COX7B2: variants seen among roughly 807,000 people sequenced by gnomAD.
COX7B2 encodes the protein cytochrome c oxidase subunit 7B2, mitochondrial.
For synonymous variants in COX7B2, 37 were observed against 32.1 expected (o/e 1.15, Z -0.51); for missense variants, 109 against 95.9 (o/e 1.14, Z -0.57).
At chr4:46,796,995 T>A (rs1718385826) in intron 2 of COX7B2, among the ~76,000 whole-genome samples, 1 of 80,422 alleles carries the variant, frequency 1.2e-5, no homozygotes, top group South Asian at 5.4e-4. Flanking sequence ...TAATGCTAGA[T>A]GACACATTAG....
chr4:46,782,986 A>C (rs963257038), intron 2 of COX7B2, among the ~76,000 whole-genome samples: 1 of 152,208 alleles, frequency 6.6e-6, no homozygotes, highest in African/African-American at 2.4e-5. Context: ...CGGACATAAT[A>C]CTATATTTGG....
At chr4:46,750,092 T>C (rs1715260816) in intron 2 of COX7B2, among the ~76,000 whole-genome samples, 1 of 152,066 alleles carries the variant, frequency 6.6e-6, no homozygotes, top group African/African-American at 2.4e-5. Context: ...CCAGGTGCAG[T>C]GGCTTACACC....
At chr4:46,844,509 C>G (rs1177017655) in intron 2 of COX7B2, among the ~76,000 whole-genome samples, 6 of 151,856 alleles carry the variant, frequency 4.0e-5, no homozygotes, top group Non-Finnish European at 8.8e-5. Flanking sequence ...TACAACCACA[C>G]CAGGGGGCGC....
intron 2 of COX7B2, among the ~76,000 whole-genome samples, chr4:46,777,606 T>C (rs779328650): frequency 3.9e-5 from 6 of 152,066 alleles, no homozygotes; most frequent in Non-Finnish European, 7.4e-5. Flanking sequence ...CTCAGAAAGG[T>C]ACTCAGTTCA....
At chr4:46,781,368 C>G (rs1717436824) in intron 2 of COX7B2, among the ~76,000 whole-genome samples, 1 of 152,232 alleles carries the variant, frequency 6.6e-6, no homozygotes, top group Non-Finnish European at 1.5e-5. Context: ...CACAAACACA[C>G]ACATTCAGAA....
At chr4:46,741,013 G>A (rs1268259425) in intron 2 of COX7B2, among the ~76,000 whole-genome samples, 2 of 152,068 alleles carry the variant, frequency 1.3e-5, no homozygotes, top group Non-Finnish European at 2.9e-5. Context: ...AGGTTTAGAT[G>A]CCTGAGTAGA....
At chr4:46,739,490 T>A (rs934368524) in intron 2 of COX7B2, among the ~76,000 whole-genome samples, 1 of 152,066 alleles carries the variant, frequency 6.6e-6, no homozygotes, top group African/African-American at 2.4e-5. Flanking sequence ...CAATGTCTAC[T>A]CTAAAGAAGC....
intron 1 of COX7B2, among the ~76,000 whole-genome samples, chr4:46,905,810 A>ATTTTTTTTT (rs1172630222): frequency 1.2e-4 from 7 of 60,438 alleles, no homozygotes; most frequent in Non-Finnish European, 1.7e-4. Context: ...ATAAGCATAT[A>ATTTTTTTTT]TTTCTTTTTT....
chr4:46,908,209 A>G (rs1720525884), intron 1 of COX7B2, among the ~76,000 whole-genome samples: 1 of 152,062 alleles, frequency 6.6e-6, no homozygotes, highest in African/African-American at 2.4e-5. Context: ...CATTTCCTGC[A>G]AATACCACTG....
At chr4:46,842,400 T>C (rs1307951995) in intron 2 of COX7B2, among the ~76,000 whole-genome samples, 2 of 151,998 alleles carry the variant, frequency 1.3e-5, no homozygotes, top group Non-Finnish European at 2.9e-5. Context: ...GCTCACTTTT[T>C]TTATTTTATT....
intron 2 of COX7B2, among the ~76,000 whole-genome samples, chr4:46,765,484 A>G (rs1282161100): frequency 6.6e-6 from 1 of 152,136 alleles, no homozygotes; most frequent in Non-Finnish European, 1.5e-5. Flanking sequence ...GCCAGTCTCC[A>G]CAGACTGATG....
chr4:46,762,903 T>C lies in COX7B2; in HGVS notation c.-49-27662A>G, dbSNP rs183153687. On this transcript the variant is annotated intron_variant, in intron 2 of 2. Coordinates refer to ENST00000355591, the MANE Select transcript of COX7B2 (RefSeq NM_130902.3). ...TGTATGCACAATCACACTGTTCATA[T>C]GGTTATTTGTGATAGTCTATACCAC... Among the ~76,000 whole-genome samples the C allele has an allele frequency of 1.2e-3, 178 of 143,324 alleles. 1 individual carries two copies. Among genetic ancestry groups the C allele is most frequent in the African/African-American group, 4.3e-3 (167 of 38,598 alleles). 94.0% of individuals were successfully genotyped at this position (143,324 alleles called of 152,430 possible). A position where few individuals can be genotyped will look rare whatever the true frequency, so the allele number is the denominator to read the frequency against.
At chr4:46,738,086 G>A (rs991900274) in intron 2 of COX7B2, among the ~76,000 whole-genome samples, 4 of 152,126 alleles carry the variant, frequency 2.6e-5, no homozygotes, top group Non-Finnish European at 4.4e-5. Flanking sequence ...GGGTATGACA[G>A]GTGCAGCCTT....
At chr4:46,788,525 T>C (rs1717870346) in intron 2 of COX7B2, among the ~76,000 whole-genome samples, 1 of 152,108 alleles carries the variant, frequency 6.6e-6, no homozygotes, top group Non-Finnish European at 1.5e-5. Context: ...TAAGAAGTTA[T>C]AAATGTAAAA....
At chr4:46,746,098 A>G (rs6855790) in intron 2 of COX7B2, among the ~76,000 whole-genome samples, 49,813 of 152,100 alleles carry the variant, frequency 0.33, 8,426 homozygotes, top group South Asian at 0.47. Context: ...TACAGATAAT[A>G]TATTTTATCA....
intron 1 of COX7B2, among the ~76,000 whole-genome samples, chr4:46,845,858 T>C (rs1237251822): frequency 1.3e-5 from 2 of 152,014 alleles, no homozygotes; most frequent in African/African-American, 2.4e-5. Context: ...TAATCTGGCA[T>C]ATGGTTAAAC....
chr4:46,862,400 A>G (rs1192407470), intron 1 of COX7B2, among the ~76,000 whole-genome samples: 1 of 152,164 alleles, frequency 6.6e-6, no homozygotes, highest in African/African-American at 2.4e-5. Context: ...GCAAATGGGT[A>G]AGTGTTCCGT....
intron 1 of COX7B2, among the ~76,000 whole-genome samples, chr4:46,870,868 C>T (rs1173007126): frequency 6.6e-6 from 1 of 152,030 alleles, no homozygotes; most frequent in Non-Finnish European, 1.5e-5. Flanking sequence ...ACACTCTATG[C>T]TCATGGAGAG....
intron 2 of COX7B2, among the ~76,000 whole-genome samples, chr4:46,824,567 T>G (rs1714542495): frequency 6.6e-6 from 1 of 151,932 alleles, no homozygotes; most frequent in African/African-American, 2.4e-5. Context: ...ACTTAATCAT[T>G]TACTGTTGGT....
Sources: gnomAD v4.1 joint callset for allele counts (sites outside exome capture counted in the v4.1 genomes callset) on GRCh38, gnomAD v4.1.1 for gene constraint, MANE v1.5 for transcripts, NCBI Gene and HGNC (gene_info 2026-07-23, HGNC 2026-07-21) for gene names.